DOCK5: variants seen among roughly 807,000 people sequenced by gnomAD.
The protein encoded by DOCK5 is dedicator of cytokinesis 5, also known as dedicator of cytokinesis protein 5.
In DOCK5, 142 loss-of-function variants were observed where a neutral mutation model predicts 251.8. That is an observed-to-expected ratio of 0.56 (90% confidence interval 0.49 to 0.65). The LOEUF (loss-of-function observed/expected upper bound fraction) is 0.65, where lower values mean the gene tolerates loss of function less well. DOCK5 is among the 30% of genes least tolerant of loss of function. The pLI is 0.00. For synonymous variants in DOCK5, 842 were observed against 835.5 expected (o/e 1.01, Z -0.13); for missense variants, 2,111 against 2,312.3 (o/e 0.91, Z 1.79).
At chr8:25,397,790 GAC>G (rs34581023) in intron 45 of DOCK5, among the ~76,000 whole-genome samples, 80,321 of 151,856 alleles carry the variant, frequency 0.53, 23,241 homozygotes, top group Middle Eastern at 0.64. Context: ...TTTCCAGCGT[GAC>G]AGTGTTCTAA....
At chr8:25,354,914 T>C (rs1800541166) in intron 27 of DOCK5, among the ~76,000 whole-genome samples, 1 of 152,164 alleles carries the variant, frequency 6.6e-6, no homozygotes, top group Non-Finnish European at 1.5e-5. Flanking sequence ...GGCATCATGA[T>C]ACTCAATGGT....
Position 25,332,278 on chromosome 8 carries a change from G to C in DOCK5, c.1931G>C (p.Arg644Pro). 6.2e-7 allele frequency: 1 copy of C among 1,613,450 alleles called. No individual in the cohort carries two copies. Among genetic ancestry groups the C allele is most frequent in the Non-Finnish European group, 8.5e-7 (1 of 1,179,634 alleles). ...GACCTGTTAGGCTTGTTAAATTGGC[G>C]TTCCAACTCCCAGAACATTAAACAC... ...NVDLLGLLNW[R>P]SNSQNIKHNL... Residue 644 changes from arginine to proline, a missense_variant, in exon 19 of 52, where the codon CGT becomes CCT. By Grantham distance (103) the Arg-to-Pro change is moderately radical. Around this residue, in one of 3 missense-constraint regions of DOCK5, gnomAD observed 1,717 missense variants for 1,892.4 expected, o/e 0.91. Coordinates refer to ENST00000276440, the MANE Select transcript of DOCK5 (RefSeq NM_024940.8).
chr8:25,234,231 T>C (rs748928299), intron 1 of DOCK5, among the ~76,000 whole-genome samples: 39 of 152,350 alleles, frequency 2.6e-4, no homozygotes, highest in Non-Finnish European at 4.4e-4. Flanking sequence ...TTAAAAGTGC[T>C]TTTTCTAGAT....
At chr8:25,359,759 T>C (rs1254144856) in intron 28 of DOCK5, among the ~76,000 whole-genome samples, 2 of 152,254 alleles carry the variant, frequency 1.3e-5, no homozygotes, top group East Asian at 3.8e-4. Flanking sequence ...TTGTCTTTCC[T>C]GAAACCTGTC....
At chr8:25,185,098 G>A in intron 1 of DOCK5, 147 bp downstream of exon 1, 1 of 984,242 alleles carries the variant, frequency 1.0e-6, no homozygotes, top group Non-Finnish European at 1.3e-6. Flanking sequence ...GGGACGGTAG[G>A]AGTCCTCTCC....
At chr8:25,246,704 TTGTGTGTGTGTG>T (rs55963570) in intron 2 of DOCK5, among the ~76,000 whole-genome samples, 4,429 of 89,580 alleles carry the variant, frequency 0.049, 225 homozygotes, top group African/African-American at 0.12. Context: ...CCATGTTAGT[TTGTGTGTGTGTG>T]TGTGTGTGTG....
intron 13 of DOCK5, 76 bp from the exon 14 acceptor site, chr8:25,316,931 T>A: frequency 6.4e-7 from 1 of 1,569,310 alleles, no homozygotes; most frequent in Non-Finnish European, 8.7e-7. Context: ...TGTCTTTACC[T>A]TTTATGTCGT....
chr8:25,271,888 A>G (rs1364834844), intron 3 of DOCK5, among the ~76,000 whole-genome samples: 1 of 152,206 alleles, frequency 6.6e-6, no homozygotes, highest in African/African-American at 2.4e-5. Flanking sequence ...TGCCAGAGCA[A>G]TTCTATGACT....
intron 26 of DOCK5, among the ~76,000 whole-genome samples, chr8:25,346,508 A>G (rs2117241371): frequency 6.6e-6 from 1 of 151,376 alleles, no homozygotes; most frequent in African/African-American, 2.4e-5. Flanking sequence ...TTTCTCTGTG[A>G]CCTGGCCCCC....
intron 40 of DOCK5, among the ~76,000 whole-genome samples, chr8:25,383,917 C>G (rs1801113687): frequency 6.6e-6 from 1 of 152,228 alleles, no homozygotes; most frequent in Middle Eastern, 3.4e-3. Flanking sequence ...GAATCTGTAA[C>G]CAGGAAGTAT....
At chr8:25,331,678 C>T (rs1021408397) in intron 18 of DOCK5, among the ~76,000 whole-genome samples, 36 of 151,570 alleles carry the variant, frequency 2.4e-4, no homozygotes, top group African/African-American at 8.2e-4. Flanking sequence ...CCATTTCTAC[C>T]TCTCCTAAGA....
At chr8:25,283,591 G>T (rs539905750) in intron 5 of DOCK5, among the ~76,000 whole-genome samples, 1 of 150,946 alleles carries the variant, frequency 6.6e-6, no homozygotes, top group East Asian at 2.0e-4. Context: ...GTAGCCATCT[G>T]GACACCCTCC....
intron 1 of DOCK5, among the ~76,000 whole-genome samples, chr8:25,214,728 C>T (rs929948157): frequency 6.6e-6 from 1 of 152,104 alleles, no homozygotes; most frequent in Admixed American, 6.6e-5. Context: ...ATCGGTTGGT[C>T]ATTAATCTTC....
At chr8:25,275,639 A>G (rs1196875706) in intron 4 of DOCK5, among the ~76,000 whole-genome samples, 198 bp downstream of exon 4, 1 of 152,150 alleles carries the variant, frequency 6.6e-6, no homozygotes, top group Non-Finnish European at 1.5e-5. Context: ...GTTCGAAACC[A>G]GCCTGGCCAA....
intron 38 of DOCK5, among the ~76,000 whole-genome samples, chr8:25,378,945 C>T (rs987765179): frequency 3.9e-5 from 6 of 152,082 alleles, no homozygotes; most frequent in Admixed American, 6.6e-5. Flanking sequence ...ACCGTGATGC[C>T]CACCTGAGCT....
chr8:25,223,833 G>A (rs900858125), intron 1 of DOCK5, among the ~76,000 whole-genome samples: 7 of 152,144 alleles, frequency 4.6e-5, no homozygotes, highest in African/African-American at 1.2e-4. Flanking sequence ...GTTAAACAGC[G>A]AGACCCTGTA....
chr8:25,370,526 A>G, intron 34 of DOCK5, among the ~76,000 whole-genome samples: 1 of 152,192 alleles, frequency 6.6e-6, no homozygotes. Context: ...TTTTTAAGAG[A>G]TAGGGTCTCT....
intron 1 of DOCK5, among the ~76,000 whole-genome samples, chr8:25,193,440 T>A (rs1044613326): frequency 6.6e-6 from 1 of 151,804 alleles, no homozygotes; most frequent in Non-Finnish European, 1.5e-5. Flanking sequence ...TTGGGACCAT[T>A]TTAAATAGAA....
Position 25,413,981 on chromosome 8 carries a change from GA to G in DOCK5, c.*2689del. On this transcript the variant is annotated 3_prime_UTR_variant, in exon 52 of 52. Coordinates refer to ENST00000276440, the MANE Select transcript of DOCK5 (RefSeq NM_024940.8). ...ATATAAAGAGATAAGGAGCAAGGAG[GA>G]AAAAAGAGAAAGAATTGGTCTTTAT... 6.6e-6 allele frequency: 1 copy of G among 152,056 alleles called. No homozygotes were observed. The highest frequency in any genetic ancestry group is 2.4e-5 in the African/African-American group (1 of 41,518). 9.4% of individuals were successfully genotyped at this position (152,056 alleles called of 1,614,324 possible). A position where few individuals can be genotyped will look rare whatever the true frequency, so the allele number is the denominator to read the frequency against.
Sources: allele counts gnomAD v4.1 joint callset (sites outside exome capture counted in the v4.1 genomes callset), GRCh38; gene constraint gnomAD v4.1.1; regional missense constraint gnomAD v4.1.1; transcripts MANE v1.5; gene names NCBI Gene and HGNC (gene_info 2026-07-23, HGNC 2026-07-21).